Variants in CD59 observed in about 807,000 individuals in gnomAD.
CD59 encodes CD59 molecule (CD59 blood group).
In CD59, 3 loss-of-function variants were observed where a neutral mutation model predicts 7.0. The observed-to-expected ratio is 0.43, with a 90% CI of 0.19 to 1.10. The LOEUF is 1.10. Ranked by LOEUF, CD59 falls within the 50% of genes least tolerant of loss-of-function variation. The pLI, the probability that CD59 is intolerant of heterozygous loss-of-function variation, is 0.29. For missense variants in CD59, 143 were observed against 151.0 expected (o/e 0.95, Z 0.28); for synonymous variants, 60 against 62.0 (o/e 0.97, Z 0.15).
chr11:33,707,073 C>T lies in CD59; in HGVS notation c.*3053G>A, dbSNP rs2133513145. 1 of 152,258 alleles carries T rather than the reference C, an allele frequency of 6.6e-6. No homozygotes were observed. The highest frequency in any genetic ancestry group is 2.1e-4 in the South Asian group (1 of 4,824). The allele number at this position is 152,258 out of a possible 1,614,324, so 9.4% of individuals were successfully genotyped here. A position where few individuals can be genotyped will look rare whatever the true frequency, so the allele number is the denominator to read the frequency against. On this transcript the variant is annotated 3_prime_UTR_variant, in exon 4 of 4. Coordinates refer to ENST00000642928, the MANE Select transcript of CD59 (RefSeq NM_000611.6). ...AGTACAGATGAAAATGTATATAAAA[C>T]ATAGAGCTTAGAATCCTGTACCAGA...
chr11:33,732,588 T>C (rs1854451689), intron 1 of CD59, among the ~76,000 whole-genome samples: 1 of 152,230 alleles, frequency 6.6e-6, no homozygotes, highest in Non-Finnish European at 1.5e-5. Context: ...ATACACCTTG[T>C]TCCTGTGTTA....
chr11:33,722,570 C>T (rs1398776878), intron 1 of CD59, 107 bp from the exon 2 acceptor site: 2 of 1,535,448 alleles, frequency 1.3e-6, no homozygotes, highest in African/African-American at 1.4e-5. Flanking sequence ...GGAACATTTA[C>T]AGGGGGAGTC....
intron 1 of CD59, among the ~76,000 whole-genome samples, chr11:33,729,857 A>G (rs1854363630): frequency 6.6e-6 from 1 of 152,104 alleles, no homozygotes; most frequent in South Asian, 2.1e-4. Context: ...CGGCCCCCCA[A>G]ATATCAATTA....
intron 1 of CD59, among the ~76,000 whole-genome samples, chr11:33,733,845 G>T (rs912137154): frequency 6.6e-6 from 1 of 152,172 alleles, no homozygotes; most frequent in Non-Finnish European, 1.5e-5. Flanking sequence ...ATTCACAGTT[G>T]CCCATGAGTA....
chr11:33,717,304 C>A (rs1853837746), intron 3 of CD59, 66 bp downstream of exon 3: 1 of 973,592 alleles, frequency 1.0e-6, no homozygotes, highest in African/African-American at 1.6e-5. Flanking sequence ...ATTACAGTGG[C>A]ACAATTTTTT....
In CD59 at chr11:33,709,813, G is replaced by A. The variant is rs930297136; in HGVS notation, c.*313C>T. ...AGGAGCCAGAGGAAAAATAATCTGA[G>A]GGCTGCAGAGAACCCACTCAAGCTG... is the stretch of plus-strand genomic sequence containing the variant. On this transcript the variant is annotated 3_prime_UTR_variant, in exon 4 of 4. Coordinates refer to ENST00000642928, the MANE Select transcript of CD59 (RefSeq NM_000611.6). The A allele has an allele frequency of 2.1e-6, 1 of 487,184 alleles. No individual in the cohort carries two copies. Among genetic ancestry groups the A allele is most frequent in the Non-Finnish European group, 3.7e-6 (1 of 267,826 alleles). 30.2% of individuals were successfully genotyped at this position (487,184 alleles called of 1,614,324 possible).
chr11:33,725,778 G>A (rs940922877), intron 1 of CD59, among the ~76,000 whole-genome samples: 12 of 152,108 alleles, frequency 7.9e-5, no homozygotes, highest in Non-Finnish European at 2.9e-5. Flanking sequence ...CACTTCCATG[G>A]TGGGGAACCG....
At chr11:33,733,741 G>C (rs1022090566) in intron 1 of CD59, 13 of 152,218 alleles carry the variant, frequency 8.5e-5, no homozygotes, top group African/African-American at 3.1e-4. Context: ...CTAGTGGGGA[G>C]ACGGGAGACT....
chr11:33,717,728 C>T (rs566376558), intron 2 of CD59: 24 of 442,352 alleles, frequency 5.4e-5, no homozygotes, highest in South Asian at 4.9e-4. Context: ...TTCCTCCTAA[C>T]CTGCAACTGG....
intron 2 of CD59, chr11:33,717,696 T>C: frequency 2.0e-6 from 1 of 508,312 alleles, no homozygotes. Flanking sequence ...TGAATATCCA[T>C]CTAACTGTGC....
intron 1 of CD59, among the ~76,000 whole-genome samples, chr11:33,730,845 A>C (rs1468535200): frequency 6.6e-6 from 1 of 152,212 alleles, no homozygotes; most frequent in Non-Finnish European, 1.5e-5. Context: ...GTTACCAAAA[A>C]ACAGTTGAAC....
chr11:33,710,476 G>A, intron 3 of CD59, 133 bp from the exon 4 acceptor site: 2 of 741,600 alleles, frequency 2.7e-6, no homozygotes, highest in Non-Finnish European at 4.8e-6. Flanking sequence ...TCCCAGGTGG[G>A]TTGTAAAGGA....
chr11:33,717,022 T>C (rs1853826792), intron 3 of CD59, among the ~76,000 whole-genome samples: 1 of 152,224 alleles, frequency 6.6e-6, no homozygotes, highest in African/African-American at 2.4e-5. Flanking sequence ...ACACAGTAGG[T>C]TCTCCAAGGT....
At chr11:33,723,473 G>A (rs1024451077) in intron 1 of CD59, among the ~76,000 whole-genome samples, 1 of 152,206 alleles carries the variant, frequency 6.6e-6, no homozygotes, top group Non-Finnish European at 1.5e-5. Flanking sequence ...AAAAGGGCAG[G>A]GTCTGACATT....
chr11:33,715,408 T>G (rs532401850), intron 3 of CD59, among the ~76,000 whole-genome samples: 1 of 152,182 alleles, frequency 6.6e-6, no homozygotes, highest in South Asian at 2.1e-4. Context: ...GAGATGAGCC[T>G]GGGCAAAATA....
At chr11:33,728,091 C>T (rs145935204) in intron 1 of CD59, among the ~76,000 whole-genome samples, 17,755 of 152,212 alleles carry the variant, frequency 0.12, 1,391 homozygotes, top group Non-Finnish European at 0.16. Flanking sequence ...AATGGCCACA[C>T]TGCCCAAAGT....
intron 2 of CD59, 120 bp downstream of exon 2, chr11:33,722,259 C>G (rs930194432): frequency 1.3e-6 from 1 of 771,160 alleles, no homozygotes; most frequent in South Asian, 1.4e-5. Context: ...ACCTGTAACA[C>G]TGGAAGGCAA....
At chr11:33,734,614 G>A (rs1854511570) in intron 1 of CD59, among the ~76,000 whole-genome samples, 1 of 152,186 alleles carries the variant, frequency 6.6e-6, no homozygotes. Context: ...CTTTCCTGCA[G>A]TTTGTTCCGG....
In CD59 at chr11:33,711,293, C is replaced by T. The variant is rs1020687794; in HGVS notation, c.170-950G>A. 2.0e-5 allele frequency: 13 copies of T among 641,010 alleles called. No homozygotes were observed. The African/African-American group carries it at 2.2e-4, about 11-fold the overall frequency. The allele number at this position is 641,010 out of a possible 1,614,324, so 39.7% of individuals were successfully genotyped here. On this transcript the variant is annotated intron_variant, in intron 3 of 3. Transcript: ENST00000642928. ...ACCAGCCTGGTCAACATGGCAAGAC[C>T]CCCTCTCTATTTCTTTTTTAAAGTC...
Sources: gnomAD v4.1 joint callset for allele counts (sites outside exome capture counted in the v4.1 genomes callset) on GRCh38, gnomAD v4.1.1 for gene constraint, MANE v1.5 for transcripts, NCBI Gene and HGNC (gene_info 2026-07-23, HGNC 2026-07-21) for gene names.